Variants in TRHDE observed in about 807,000 individuals in gnomAD.
TRHDE encodes the protein thyrotropin releasing hormone degrading enzyme.
A neutral mutation model predicts 125.7 loss-of-function variants in TRHDE; 72 were observed. That is an observed-to-expected ratio of 0.57 (90% CI 0.47 to 0.70). TRHDE has a LOEUF of 0.70. Among genes scored for constraint, TRHDE ranks in the 30% least tolerant of loss-of-function variants. The pLI is 0.00. For missense variants in TRHDE, 1,110 were observed against 1,327.1 expected, an observed-to-expected ratio of 0.84 and a Z score of 2.54; for synonymous variants, 509 against 509.1, an observed-to-expected ratio of 1.00 and a Z score of 0.00.
chr12:72,494,373 C>T (rs992249568), intron 5 of TRHDE, among the ~76,000 whole-genome samples: 1 of 152,046 alleles, frequency 6.6e-6, no homozygotes, highest in Non-Finnish European at 1.5e-5. Flanking sequence ...ATGAATACCT[C>T]ACAACTACTT....
At chr12:72,178,888 C>A (rs576963336) in intron 2 of TRHDE, among the ~76,000 whole-genome samples, 1 of 152,078 alleles carries the variant, frequency 6.6e-6, no homozygotes, top group African/African-American at 2.4e-5. Context: ...TTAAAATAAA[C>A]AAAAGAAATA....
intron 2 of TRHDE, among the ~76,000 whole-genome samples, chr12:72,240,982 C>T (rs12372151): frequency 0.28 from 41,979 of 151,832 alleles, 7,591 homozygotes; most frequent in Non-Finnish European, 0.4. Context: ...AGCCGCAAGC[C>T]ACTCTCTTAC....
At chr12:72,455,310 T>C (rs1202235379) in intron 3 of TRHDE, among the ~76,000 whole-genome samples, 2 of 152,214 alleles carry the variant, frequency 1.3e-5, no homozygotes, top group Non-Finnish European at 2.9e-5. Flanking sequence ...CATATCTTTG[T>C]AATATAATGA....
chr12:72,296,679 G>T (rs1389449953), intron 2 of TRHDE, among the ~76,000 whole-genome samples: 1 of 152,052 alleles, frequency 6.6e-6, no homozygotes, highest in Non-Finnish European at 1.5e-5. Context: ...ACCCAGTCAG[G>T]TCTGCAGTGG....
chr12:72,206,850 C>G (rs1236258812), intron 2 of TRHDE, among the ~76,000 whole-genome samples: 1 of 151,534 alleles, frequency 6.6e-6, no homozygotes, highest in Non-Finnish European at 1.5e-5. Context: ...ATATGTTTAT[C>G]TACATATAAT....
intron 15 of TRHDE, among the ~76,000 whole-genome samples, chr12:72,649,637 T>C (rs893621840): frequency 1.3e-5 from 2 of 152,080 alleles, no homozygotes; most frequent in African/African-American, 4.8e-5. Context: ...GCAAACCATA[T>C]ATCTGAATAA....
chr12:72,382,723 G>GA (rs1872241126), intron 3 of TRHDE, among the ~76,000 whole-genome samples: 1 of 152,168 alleles, frequency 6.6e-6, no homozygotes. Flanking sequence ...AGACAAACAA[G>GA]AAAGTACAAA....
intron 2 of TRHDE, among the ~76,000 whole-genome samples, chr12:72,171,020 A>G (rs1159591739): frequency 6.6e-6 from 1 of 152,162 alleles, no homozygotes; most frequent in East Asian, 1.9e-4. Flanking sequence ...TCCTAAAGCT[A>G]AGGAGACCAA....
At chr12:72,455,124 T>C (rs968346654) in intron 3 of TRHDE, among the ~76,000 whole-genome samples, 1 of 152,072 alleles carries the variant, frequency 6.6e-6, no homozygotes, top group Non-Finnish European at 1.5e-5. Context: ...AGTCTCAGAG[T>C]CAATGGTGAT....
At chr12:72,104,267 C>T (rs985778546) in intron 1 of TRHDE, among the ~76,000 whole-genome samples, 3 of 152,130 alleles carry the variant, frequency 2.0e-5, no homozygotes, top group Non-Finnish European at 4.4e-5. Context: ...TGAGACCAAG[C>T]TCAACTATGT....
At chr12:72,524,055 C>T (rs1297855357) in intron 6 of TRHDE, among the ~76,000 whole-genome samples, 1 of 152,136 alleles carries the variant, frequency 6.6e-6, no homozygotes, top group Non-Finnish European at 1.5e-5. Flanking sequence ...CTCTGCTGTG[C>T]ACAGCATCCA....
At chr12:72,293,698 C>T (rs561494949) in intron 2 of TRHDE, among the ~76,000 whole-genome samples, 1 of 152,280 alleles carries the variant, frequency 6.6e-6, no homozygotes, top group East Asian at 1.9e-4. Flanking sequence ...ATAGCATGCA[C>T]ATGTGGCATC....
intron 2 of TRHDE, among the ~76,000 whole-genome samples, chr12:72,299,280 T>C (rs1007674396): frequency 2.6e-5 from 4 of 152,222 alleles, no homozygotes; most frequent in African/African-American, 9.6e-5. Context: ...TGGAAGAAGA[T>C]AGCAAAAGTA....
At chr12:72,381,459 G>A (rs11179181) in intron 3 of TRHDE, among the ~76,000 whole-genome samples, 8,032 of 150,452 alleles carry the variant, frequency 0.053, 636 homozygotes, top group East Asian at 0.42. Flanking sequence ...GCAGTGGCGG[G>A]ATCTCGGCTC....
At chr12:72,272,207 A>C (rs1592509379), upstream of TRHDE, 1 of 426,966 alleles carries the variant, frequency 2.3e-6, no homozygotes, top group Non-Finnish European at 4.7e-6. The surrounding 1 kb of genome is among the most constrained non-coding windows in gnomAD (Gnocchi z 6.7). Flanking sequence ...CCCTCTCTAC[A>C]CCCTCGCTCT....
chr12:72,625,118 C>T (rs926271799), intron 15 of TRHDE, among the ~76,000 whole-genome samples: 1 of 151,816 alleles, frequency 6.6e-6, no homozygotes, highest in Non-Finnish European at 1.5e-5. Context: ...TTTAAAATCT[C>T]TTTGTTAAAA....
chr12:72,519,090 A>T (rs1260573144), intron 6 of TRHDE, among the ~76,000 whole-genome samples: 1 of 151,788 alleles, frequency 6.6e-6, no homozygotes, highest in Non-Finnish European at 1.5e-5. Flanking sequence ...TTTTTCCTTC[A>T]TTTCAACTTT....
intron 3 of TRHDE, among the ~76,000 whole-genome samples, chr12:72,415,314 G>A (rs1873685613): frequency 6.6e-6 from 1 of 152,052 alleles, no homozygotes; most frequent in Non-Finnish European, 1.5e-5. Flanking sequence ...CATACAATGT[G>A]TAATAGGAAA....
chr12:72,144,140 C>A (rs1876175374), intron 2 of TRHDE, among the ~76,000 whole-genome samples: 1 of 152,164 alleles, frequency 6.6e-6, no homozygotes, highest in Non-Finnish European at 1.5e-5. Flanking sequence ...ATAGCTCAAT[C>A]AGGAGAGAAA....
Sources: allele counts gnomAD v4.1 joint callset (sites outside exome capture counted in the v4.1 genomes callset), GRCh38; gene constraint gnomAD v4.1.1; non-coding constraint Gnocchi (gnomAD v3.1); transcripts MANE v1.5; gene names NCBI Gene and HGNC (gene_info 2026-07-23, HGNC 2026-07-21).